Variants in TTLL5 observed in about 807,000 individuals in gnomAD.
TTLL5 encodes tubulin polyglutamylase TTLL5.
TTLL5 carries 132 observed loss-of-function variants against 168.4 expected under a neutral mutation model. The ratio of observed to expected loss-of-function variants is 0.78; its 90% confidence interval spans 0.68 to 0.91. The LOEUF is 0.91. Among genes scored for constraint, TTLL5 ranks in the 40% least tolerant of loss-of-function variants. The pLI, the probability that TTLL5 is intolerant of heterozygous loss-of-function variation, is 0.00. For synonymous variants in TTLL5, 546 were observed against 558.6 expected, an observed-to-expected ratio of 0.98 and a Z score of 0.32; for missense variants, 1,545 against 1,581.5, an observed-to-expected ratio of 0.98 and a Z score of 0.39.
chr14:75,662,128 CTT>C (rs939427392), intron 1 of TTLL5, among the ~76,000 whole-genome samples: 2 of 152,066 alleles, frequency 1.3e-5, no homozygotes, highest in Admixed American at 6.5e-5. Flanking sequence ...TCGTACCAAA[CTT>C]TGTGATTTTT....
chr14:75,801,585 C>A (rs1251030838), intron 27 of TTLL5, among the ~76,000 whole-genome samples: 1 of 151,764 alleles, frequency 6.6e-6, no homozygotes, highest in Non-Finnish European at 1.5e-5. Flanking sequence ...ATTTTTGTAC[C>A]CATTAACCAT....
intron 31 of TTLL5, among the ~76,000 whole-genome samples, chr14:75,926,259 G>A (rs1029729583): frequency 5.5e-5 from 8 of 144,972 alleles, no homozygotes; most frequent in African/African-American, 7.7e-5. Flanking sequence ...CGTGAGATGG[G>A]TCTCCTTAAT....
intron 10 of TTLL5, 51 bp from the exon 11 acceptor site, chr14:75,719,684 T>C (rs773896966): frequency 2.2e-5 from 32 of 1,481,644 alleles, no homozygotes; most frequent in Non-Finnish European, 2.7e-5. Flanking sequence ...GTCTTGTTAT[T>C]ATAGCCAAGC....
intron 21 of TTLL5, among the ~76,000 whole-genome samples, chr14:75,774,488 G>A (rs1232554757): frequency 1.3e-5 from 2 of 152,016 alleles, no homozygotes; most frequent in Non-Finnish European, 1.5e-5. Context: ...TACTCTTCAC[G>A]TATATTTTTC....
At chr14:75,873,537 A>G (rs897950803) in intron 29 of TTLL5, among the ~76,000 whole-genome samples, 8 of 152,186 alleles carry the variant, frequency 5.3e-5, no homozygotes, top group Middle Eastern at 3.4e-3. Flanking sequence ...TTTACTTAGC[A>G]TAATGTCTTC....
intron 3 of TTLL5, among the ~76,000 whole-genome samples, chr14:75,670,703 T>C (rs1344161742): frequency 1.3e-5 from 2 of 152,198 alleles, no homozygotes; most frequent in Non-Finnish European, 2.9e-5. Context: ...TTTTGGCCAT[T>C]TGTGTATTTT....
At chr14:75,797,452 T>C (rs1346037328) in intron 27 of TTLL5, among the ~76,000 whole-genome samples, 1 of 152,174 alleles carries the variant, frequency 6.6e-6, no homozygotes, top group African/African-American at 2.4e-5. Flanking sequence ...CAGAACTATG[T>C]TGAATAGAAG....
Position 75,699,087 on chromosome 14 carries a change from T to G in TTLL5, c.503-101T>G, listed in dbSNP as rs1239934552. On this transcript the variant is annotated intron_variant, in intron 6 of 31. Coordinates refer to ENST00000298832, the MANE Select transcript of TTLL5 (RefSeq NM_015072.5). ...CTTAGAAATTTGTAAGATTTTTGGG[T>G]TCCCTGAGTAGATAACCCTTTTTGA... 4 of 1,022,228 alleles carry G rather than the reference T, an allele frequency of 3.9e-6. No individual in the cohort carries two copies. The East Asian group carries it at 1.0e-4, about 26-fold the overall frequency. 63.3% of individuals were successfully genotyped at this position (1,022,228 alleles called of 1,614,324 possible).
intron 3 of TTLL5, among the ~76,000 whole-genome samples, chr14:75,675,204 A>G (rs2140102961): frequency 6.6e-6 from 1 of 152,346 alleles, no homozygotes; most frequent in Admixed American, 6.5e-5. Context: ...GACAGCACAA[A>G]TATCCTAATC....
At chr14:75,889,885 G>A (rs547951272) in intron 30 of TTLL5, among the ~76,000 whole-genome samples, 12 of 134,402 alleles carry the variant, frequency 8.9e-5, no homozygotes, top group Admixed American at 1.5e-4. Context: ...GGGAGGGAGG[G>A]AGGAGGTCAG....
chr14:75,847,274 A>G (rs1029288678), intron 28 of TTLL5, among the ~76,000 whole-genome samples: 5 of 151,970 alleles, frequency 3.3e-5, no homozygotes, highest in Admixed American at 3.3e-4. Context: ...AAGTTCTGGG[A>G]TTACAGGCGT....
chr14:75,863,679 A>C lies in TTLL5; in HGVS notation c.3339A>C (p.Thr1113=). Residue 1113 remains threonine, a synonymous_variant, in exon 29 of 32, where the codon ACA becomes ACC. Coordinates refer to ENST00000298832, the MANE Select transcript of TTLL5 (RefSeq NM_015072.5). ...SSSPGSRSLQ[T]GGFAWEGEVE... ...CTTTTCTCTTCAGGAGCCTGCAGAC[A>C]GGGGGATTTGCCTGGGAAGGAGAAG... The C allele has an allele frequency of 6.2e-7, 1 of 1,609,980 alleles. No individual in the cohort carries two copies. The highest frequency in any genetic ancestry group is 2.2e-5 in the East Asian group (1 of 44,674).
At chr14:75,751,515 A>G (rs929892358) in intron 17 of TTLL5, among the ~76,000 whole-genome samples, 1 of 152,312 alleles carries the variant, frequency 6.6e-6, no homozygotes, top group East Asian at 1.9e-4. Context: ...GATGATCCAC[A>G]TTCCTGGTGG....
Position 75,736,071 on chromosome 14 carries a change from C to T in TTLL5, c.1281+782C>T, listed in dbSNP as rs996064668. On this transcript the variant is annotated intron_variant, in intron 15 of 31. Coordinates refer to ENST00000298832, the MANE Select transcript of TTLL5 (RefSeq NM_015072.5). ...TAAATCCATCGTCACCTTTACTTTT[C>T]ATTTTAACATTTATTTACTTGTTCT... Among the ~76,000 whole-genome samples the T allele has an allele frequency of 2.6e-5, 4 of 152,140 alleles. No individual in the cohort carries two copies. The South Asian group carries it at 8.3e-4, about 32-fold the overall frequency.
intron 28 of TTLL5, among the ~76,000 whole-genome samples, chr14:75,821,416 C>T (rs1189404656): frequency 1.3e-5 from 2 of 152,130 alleles, no homozygotes; most frequent in Non-Finnish European, 2.9e-5. Context: ...GCTTTATTTT[C>T]CATAAAAAAA....
chr14:75,835,976 G>A (rs1566624733), intron 28 of TTLL5, among the ~76,000 whole-genome samples: 1 of 152,200 alleles, frequency 6.6e-6, no homozygotes, highest in Non-Finnish European at 1.5e-5. Context: ...ATGGAGAACA[G>A]TTTGGAGATT....
intron 2 of TTLL5, among the ~76,000 whole-genome samples, chr14:75,663,564 A>G (rs570611541): frequency 1.3e-5 from 2 of 152,348 alleles, no homozygotes; most frequent in African/African-American, 4.8e-5. Context: ...AGTATTGAAG[A>G]AAAGCATGTC....
chr14:75,681,327 G>T lies in TTLL5; in HGVS notation c.182-218G>T, dbSNP rs181734960. ...ATTGTTAAATTTCAACTAGAAACTA[G>T]TGAAAACCAAGGTGTAATTTTTCCC... On this transcript the variant is annotated intron_variant, in intron 3 of 31. Transcript: ENST00000298832. Among the ~76,000 whole-genome samples the T allele has an allele frequency of 1.3e-3, 198 of 152,268 alleles. 2 individuals are homozygous for T. The Middle Eastern group carries it at 0.027, about 21-fold the overall frequency.
At chr14:75,732,465 A>G (rs774307410) in intron 13 of TTLL5, 46 bp downstream of exon 13, 9 of 1,507,286 alleles carry the variant, frequency 6.0e-6, no homozygotes, top group Admixed American at 1.9e-5. Context: ...TTCAAGTAGT[A>G]CTTAAAGCAC....
Sources: gnomAD v4.1 joint callset for allele counts (sites outside exome capture counted in the v4.1 genomes callset) on GRCh38, gnomAD v4.1.1 for gene constraint, MANE v1.5 for transcripts, NCBI Gene and HGNC (gene_info 2026-07-23, HGNC 2026-07-21) for gene names.